The following ABCA4 variants were observed in gnomAD, a reference collection of about 807,000 sequenced individuals.
ABCA4 encodes retinal-specific phospholipid-transporting ATPase ABCA4.
A neutral mutation model predicts 263.7 loss-of-function variants in ABCA4; 196 were observed. That is an observed-to-expected ratio of 0.74 (90% CI 0.66 to 0.84). ABCA4 has a LOEUF of 0.84. Ranked by LOEUF, ABCA4 falls within the 40% of genes least tolerant of loss-of-function variation. The pLI, the probability that ABCA4 is intolerant of heterozygous loss-of-function variation, is 0.00. For synonymous variants in ABCA4, 1,133 were observed against 1,094.2 expected (o/e 1.04, Z -0.70); for missense variants, 2,792 against 2,855.1 (o/e 0.98, Z 0.50).
At position 93,993,197 on chromosome 1, in the gene ABCA4, A is replaced by G. The variant is rs1443952379; in HGVS notation, c.*40T>C. 2 of 1,613,742 alleles carry G rather than the reference A, an allele frequency of 1.2e-6. No homozygotes were observed. Among genetic ancestry groups the G allele is most frequent in the African/African-American group, 1.3e-5 (1 of 74,920 alleles). ...CAGGCTCCTGCGCCTCCAGCTGCCC[A>G]GAGTTCCTTTCTGGCTGCAGGAACG... On this transcript the variant is annotated 3_prime_UTR_variant, in exon 50 of 50. Coordinates refer to ENST00000370225, the MANE Select transcript of ABCA4 (RefSeq NM_000350.3).
chr1:94,011,230 C>T (rs749583334), intron 39 of ABCA4, 32 bp downstream of exon 39: 3 of 1,613,694 alleles, frequency 1.9e-6, no homozygotes, highest in Non-Finnish European at 2.5e-6. Flanking sequence ...GGACCCAGGG[C>T]CCATGCTCCA....
chr1:94,055,120 C>A lies in ABCA4; in HGVS notation c.2578G>T (p.Val860Leu). Residue 860 changes from valine to leucine, a missense_variant, in exon 16 of 50, where the codon GTG becomes TTG. Val to Leu is a conservative substitution (Grantham distance 32, BLOSUM62 1). Transcript: ENST00000370225. ...YGLLAWYLDQVFPGDYGTPLP... is the reference protein window; with the variant it reads ...YGLLAWYLDQLFPGDYGTPLP... ...AGAGGAGGATGCTTACCTGGAAACA[C>A]CTGATCAAGGTACCAAGCGAGTAAG... 9 of 1,614,106 alleles carry A rather than the reference C, an allele frequency of 5.6e-6. No individual in the cohort carries two copies. Among genetic ancestry groups the A allele is most frequent in the Non-Finnish European group, 6.8e-6 (8 of 1,180,008 alleles).
Position 94,008,250 on chromosome 1 carries a change from T to G in ABCA4, c.5883A>C (p.Gly1961=). 2 of 1,614,078 alleles carry G rather than the reference T, an allele frequency of 1.2e-6. No individual in the cohort carries two copies. The highest frequency in any genetic ancestry group is 1.7e-6 in the Non-Finnish European group (2 of 1,180,012). Residue 1961 remains glycine (G), a synonymous_variant, in exon 42 of 50, where the codon GGA becomes GGC. Coordinates refer to ENST00000370225, the MANE Select transcript of ABCA4 (RefSeq NM_000350.3). ...SSPAVDRLCV[G]VRPGECFGLL... is the part of the protein sequence containing the mutation. ...GAGTACCCACCTCTCCAGGGCGAAC[T>G]CCGACACACAGCCTGTCCACTGCTG...
At position 94,072,419 on chromosome 1, in the gene ABCA4, T is replaced by C. The variant is rs188330583; in HGVS notation, c.1554+5271A>G. Reference sequence around the variant, plus strand: ...AAATTCAAGACCTGAAAATCAAATATATTATGAAATGAAAATACACTGTGA... The same window carrying C: ...AAATTCAAGACCTGAAAATCAAATACATTATGAAATGAAAATACACTGTGA... On this transcript the variant is annotated intron_variant, in intron 11 of 49. Coordinates refer to ENST00000370225, the MANE Select transcript of ABCA4 (RefSeq NM_000350.3). Among the ~76,000 whole-genome samples, 301 of 152,322 alleles carry C rather than the reference T, an allele frequency of 2.0e-3. 2 individuals are homozygous for C. The highest frequency in any genetic ancestry group is 6.7e-3 in the African/African-American group (280 of 41,590).
intron 6 of ABCA4, among the ~76,000 whole-genome samples, chr1:94,086,324 A>G (rs1026055305): frequency 5.1e-4 from 78 of 152,226 alleles, no homozygotes; most frequent in African/African-American, 1.9e-3. Flanking sequence ...AAGGTTCTGT[A>G]AGACAAGTCT....
chr1:94,060,296 C>G (rs1661084102), intron 14 of ABCA4, among the ~76,000 whole-genome samples: 1 of 152,154 alleles, frequency 6.6e-6, no homozygotes, highest in Admixed American at 6.5e-5. Context: ...ACTGGGAAGT[C>G]TGTGTGGACC....
Position 94,008,766 on chromosome 1 carries a change from T to C in ABCA4, c.5820A>G (p.Leu1940=), listed in dbSNP as rs1343383001. The C allele has an allele frequency of 1.9e-6, 3 of 1,614,130 alleles. No individual in the cohort carries two copies. Among genetic ancestry groups the C allele is most frequent in the African/African-American group, 2.7e-5 (2 of 75,024 alleles). ...ATTCCCTTACCTTGGTTAGTTCATG[T>C]AGCCTTAAGATGTCAGTTTTATTTC... ...TGGNKTDILR[L]HELTKIYPGT... The change falls in exon 41 of 50, where the codon CTA becomes CTG. Residue 1940 remains leucine, a synonymous_variant. Transcript: ENST00000370225.
At position 94,049,004 on chromosome 1, in the gene ABCA4, A is replaced by G. The variant is rs12095320; in HGVS notation, c.2654-47T>C. The G allele has an allele frequency of 9.3e-3, 14,841 of 1,596,904 alleles. 1,124 individuals are homozygous for G. In the African/African-American group the frequency reaches 0.17, roughly 18 times the overall value. ...GTTACTCTACCACCGGGAGCTGAGA[A>G]CGAGCAAAGGCAGGAAAGGAGGGGA... On this transcript the variant is annotated intron_variant, in intron 17 of 49. Transcript: ENST00000370225.
In ABCA4 at chr1:94,068,208, C is replaced by T. The variant is rs116527742; in HGVS notation, c.1555-4891G>A. On this transcript the variant is annotated intron_variant, in intron 11 of 49. Coordinates refer to ENST00000370225, the MANE Select transcript of ABCA4 (RefSeq NM_000350.3). ...CTGAGAGGGCGTGGGGCCTCACACA[C>T]TGATGCTTGCTAGCTGCTTGTTGAT... 7.5e-3 allele frequency among the ~76,000 whole-genome samples: 1,137 copies of T among 152,312 alleles called. 15 individuals carry two copies. The highest frequency in any genetic ancestry group is 0.026 in the African/African-American group (1,084 of 41,562).
intron 6 of ABCA4, among the ~76,000 whole-genome samples, chr1:94,095,586 CCGGAG>C: frequency 6.6e-6 from 1 of 152,238 alleles, no homozygotes; most frequent in East Asian, 1.9e-4. Context: ...TTCCCTGGCC[CCGGAG>C]CAACCCCTGC....
rs199819545 is a variant in ABCA4 at position 94,120,965 on chromosome 1, G to C, written c.66+15C>G. 40 of 1,374,840 alleles carry C rather than the reference G, an allele frequency of 2.9e-5. No individual in the cohort carries two copies. The Middle Eastern group carries it at 6.2e-4, about 21-fold the overall frequency. 85.2% of individuals were successfully genotyped at this position (1,374,840 alleles called of 1,614,324 possible). A position where few individuals can be genotyped will look rare whatever the true frequency, so the allele number is the denominator to read the frequency against. On this transcript the variant is annotated intron_variant, in intron 1 of 49. Coordinates refer to ENST00000370225, the MANE Select transcript of ABCA4 (RefSeq NM_000350.3). Reference sequence around the variant, plus strand: ...CTCCACACCTCATTTTTAAACCACAGACAGTAACTGTTACCTTTTGCCTTT... The same window carrying C: ...CTCCACACCTCATTTTTAAACCACACACAGTAACTGTTACCTTTTGCCTTT...
intron 29 of ABCA4, among the ~76,000 whole-genome samples, chr1:94,030,126 C>T (rs1188455510): frequency 2.6e-5 from 4 of 152,224 alleles, no homozygotes; most frequent in Non-Finnish European, 5.9e-5. Context: ...AACCCTATTT[C>T]CCTCCCTCCC....
chr1:94,011,980 G>A (rs903093701), intron 38 of ABCA4, among the ~76,000 whole-genome samples: 4 of 152,228 alleles, frequency 2.6e-5, no homozygotes, highest in Non-Finnish European at 5.9e-5. Flanking sequence ...CTAGGGAGAG[G>A]AGGGTTGGAG....
In ABCA4 at chr1:94,078,344, C is replaced by T. The variant is rs115295030; in HGVS notation, c.1356+246G>A. On this transcript the variant is annotated intron_variant, in intron 10 of 49. Coordinates refer to ENST00000370225, the MANE Select transcript of ABCA4 (RefSeq NM_000350.3). The stretch of plus-strand genomic sequence containing the variant: ...GTGAATTCATAAAAGTAGGAAACTC[C>T]AGGAAGCCACTGGTCTTGTGGCAGC... Among the ~76,000 whole-genome samples, 1,372 of 152,246 alleles carry T rather than the reference C, an allele frequency of 9.0e-3. 23 individuals carry two copies. The highest frequency in any genetic ancestry group is 0.032 in the African/African-American group (1,308 of 41,522).
chr1:94,055,548 A>G (rs1660952816), intron 15 of ABCA4, among the ~76,000 whole-genome samples: 1 of 152,100 alleles, frequency 6.6e-6, no homozygotes, highest in African/African-American at 2.4e-5. Flanking sequence ...AAAACATGAA[A>G]CAATTCTCAG....
intron 13 of ABCA4, 49 bp from the exon 14 acceptor site, chr1:94,060,808 A>G: frequency 7.1e-7 from 1 of 1,412,708 alleles, no homozygotes; most frequent in Non-Finnish European, 9.9e-7. Flanking sequence ...TGTACCTGGT[A>G]GAGGCAGAAT....
rs1661603153 is a variant in ABCA4 at position 94,078,668 on chromosome 1, C to T, written c.1278G>A (p.Lys426=). Residue 426 remains lysine, a synonymous_variant, in exon 10 of 50, where the codon AAG becomes AAA. Transcript: ENST00000370225. ...STFEELEHVR[K]LVKAWEEVGP... ...CTACTTCTTCCCAGGCTTTGACCAA[C>T]TTCCTAACGTGTTCCAGTTCTTCAA... 1 of 1,575,870 alleles carries T rather than the reference C, an allele frequency of 6.3e-7. No homozygotes were observed. Among genetic ancestry groups the T allele is most frequent in the Admixed American group, 1.7e-5 (1 of 57,858 alleles).
At chr1:94,009,904 CTG>C (rs2101006299) in intron 40 of ABCA4, among the ~76,000 whole-genome samples, 1 of 152,358 alleles carries the variant, frequency 6.6e-6, no homozygotes, top group East Asian at 1.9e-4. Flanking sequence ...ATTCCTGACA[CTG>C]TCTCCCATAA....
intron 12 of ABCA4, 83 bp downstream of exon 12, chr1:94,063,029 C>T (rs778764351): frequency 4.8e-5 from 63 of 1,307,610 alleles, no homozygotes; most frequent in Non-Finnish European, 6.6e-5. Flanking sequence ...ATTTATGAGT[C>T]CAGTCTCAAT....
Sources: allele counts gnomAD v4.1 joint callset (sites outside exome capture counted in the v4.1 genomes callset), GRCh38; gene constraint gnomAD v4.1.1; transcripts MANE v1.5; gene names NCBI Gene and HGNC (gene_info 2026-07-23, HGNC 2026-07-21).